Variants in TTC17 observed in about 807,000 individuals in gnomAD.
TTC17 encodes the protein tetratricopeptide repeat protein 17.
In TTC17, 58 loss-of-function variants were observed where a neutral mutation model predicts 143.8. That is an observed-to-expected ratio of 0.40 (90% CI 0.33 to 0.50). The LOEUF is 0.50. Among genes scored for constraint, TTC17 ranks in the 20% least tolerant of loss-of-function variants. The pLI is 0.49. For missense variants in TTC17, 1,273 were observed against 1,392.5 expected (o/e 0.91, Z 1.37); for synonymous variants, 501 against 497.8 (o/e 1.01, Z -0.09).
At chr11:43,420,156 A>G (rs990326988) in intron 16 of TTC17, among the ~76,000 whole-genome samples, 3 of 152,208 alleles carry the variant, frequency 2.0e-5, no homozygotes, top group Non-Finnish European at 1.5e-5. Context: ...CCTACAAGCA[A>G]AGATTGTGAT....
At chr11:43,395,969 C>A (rs974271932) in intron 5 of TTC17, among the ~76,000 whole-genome samples, 11 of 151,894 alleles carry the variant, frequency 7.2e-5, no homozygotes, top group African/African-American at 2.2e-4. Context: ...ATGTAATATA[C>A]ATTAATATGT....
In TTC17 at chr11:43,416,867, T is replaced by G. The variant is rs187872255; in HGVS notation, c.2251+2091T>G. Among the ~76,000 whole-genome samples the G allele has an allele frequency of 4.3e-3, 649 of 152,296 alleles. 12 individuals are homozygous for G. The highest frequency in any genetic ancestry group is 8.8e-4 in the Non-Finnish European group (60 of 68,000). On this transcript the variant is annotated intron_variant, in intron 16 of 23. Transcript: ENST00000039989. Reference sequence around the variant, plus strand: ...CTTGTTTTAAAAATTCTACTGCATCTTCTCAGAATGCTGTGATCTTTCAAA... The same window carrying G: ...CTTGTTTTAAAAATTCTACTGCATCGTCTCAGAATGCTGTGATCTTTCAAA...
At chr11:43,463,348 C>A (rs1947908253) in intron 21 of TTC17, among the ~76,000 whole-genome samples, 1 of 151,852 alleles carries the variant, frequency 6.6e-6, no homozygotes, top group Non-Finnish European at 1.5e-5. Context: ...TGGATATTGA[C>A]CAATACAGAT....
intron 13 of TTC17, 89 bp downstream of exon 13, chr11:43,406,040 A>G (rs1858114922): frequency 4.3e-6 from 6 of 1,401,776 alleles, no homozygotes; most frequent in Non-Finnish European, 4.8e-6. Context: ...GATAGAAGGT[A>G]GCTGTTGAGC....
intron 21 of TTC17, among the ~76,000 whole-genome samples, chr11:43,463,229 T>C (rs1947905663): frequency 6.6e-6 from 1 of 152,106 alleles, no homozygotes. Context: ...TTCATTCTTT[T>C]ACATGCACAA....
intron 2 of TTC17, among the ~76,000 whole-genome samples, chr11:43,380,199 C>T (rs1045140610): frequency 6.6e-6 from 1 of 152,146 alleles, no homozygotes; most frequent in Non-Finnish European, 1.5e-5. Flanking sequence ...TATGGCAGAA[C>T]CAGAAACAAA....
At chr11:43,424,910 AGTCATTTAACAAG>A (rs925275786) in intron 16 of TTC17, among the ~76,000 whole-genome samples, 3 of 152,306 alleles carry the variant, frequency 2.0e-5, no homozygotes, top group African/African-American at 7.2e-5. Flanking sequence ...AGTTCCCCCT[AGTCATTTAACAAG>A]GTATTTTTAA....
At chr11:43,439,466 T>C (rs1947365524) in intron 16 of TTC17, among the ~76,000 whole-genome samples, 1 of 151,620 alleles carries the variant, frequency 6.6e-6, no homozygotes, top group African/African-American at 2.4e-5. Context: ...CTTGTTTTTT[T>C]TTGGTTTTTT....
At chr11:43,460,950 C>T (rs992189225) in intron 21 of TTC17, among the ~76,000 whole-genome samples, 41 of 152,304 alleles carry the variant, frequency 2.7e-4, no homozygotes, top group Non-Finnish European at 4.6e-4. Flanking sequence ...AAGCAAGTCC[C>T]GGGGCCTGCT....
intron 21 of TTC17, among the ~76,000 whole-genome samples, chr11:43,458,008 T>C (rs1328350811): frequency 2.6e-5 from 4 of 152,056 alleles, no homozygotes; most frequent in Non-Finnish European, 5.9e-5. Context: ...CTAGGAAAAT[T>C]AAAAGCTTAA....
intron 21 of TTC17, among the ~76,000 whole-genome samples, chr11:43,482,596 C>G (rs1948307690): frequency 6.6e-6 from 1 of 151,942 alleles, no homozygotes; most frequent in Non-Finnish European, 1.5e-5. Context: ...GTTTTATGGG[C>G]CAGAATGTGG....
At chr11:43,444,365 A>G in intron 18 of TTC17, 156 bp downstream of exon 18, 1 of 636,908 alleles carries the variant, frequency 1.6e-6, no homozygotes, top group Non-Finnish European at 2.4e-6. Context: ...TCAATGAAAA[A>G]AATGTTCAAA....
chr11:43,372,596 T>A (rs545318870), intron 1 of TTC17, among the ~76,000 whole-genome samples: 2 of 152,196 alleles, frequency 1.3e-5, no homozygotes, highest in South Asian at 4.2e-4. Context: ...ATTCAAGCGA[T>A]TCTCCTGCCT....
intron 1 of TTC17, among the ~76,000 whole-genome samples, chr11:43,366,692 G>C (rs375377006): frequency 1.3e-5 from 2 of 152,040 alleles, no homozygotes; most frequent in Non-Finnish European, 2.9e-5. Flanking sequence ...TCTTTCTATT[G>C]ACAAGGTTTT....
intron 1 of TTC17, among the ~76,000 whole-genome samples, chr11:43,376,604 G>T (rs898345421): frequency 2.6e-5 from 4 of 151,980 alleles, no homozygotes; most frequent in African/African-American, 9.7e-5. Context: ...TTTTGCTTCT[G>T]GACTTACAGC....
chr11:43,370,346 G>A (rs762728725), intron 1 of TTC17: 28 of 208,510 alleles, frequency 1.3e-4, no homozygotes, highest in Non-Finnish European at 2.4e-4. Context: ...GATTGTTTGA[G>A]CTAGATTTGT....
At chr11:43,438,651 G>A (rs1184153773) in intron 16 of TTC17, among the ~76,000 whole-genome samples, 3 of 152,110 alleles carry the variant, frequency 2.0e-5, no homozygotes, top group Non-Finnish European at 4.4e-5. Context: ...AGATGTTGTC[G>A]GTCAGATTTT....
intron 15 of TTC17, among the ~76,000 whole-genome samples, chr11:43,408,995 A>G (rs780237871): frequency 1.2e-4 from 18 of 152,128 alleles, no homozygotes; most frequent in Non-Finnish European, 2.6e-4. Flanking sequence ...CTCCCATCTC[A>G]GCCTCCAAAA....
intron 16 of TTC17, among the ~76,000 whole-genome samples, chr11:43,432,718 T>G (rs1033509694): frequency 6.6e-6 from 1 of 152,192 alleles, no homozygotes; most frequent in African/African-American, 2.4e-5. Flanking sequence ...TTTCCTGTGT[T>G]TCTTTCATGA....
Sources: allele counts gnomAD v4.1 joint callset (sites outside exome capture counted in the v4.1 genomes callset), GRCh38; gene constraint gnomAD v4.1.1; transcripts MANE v1.5; gene names NCBI Gene and HGNC (gene_info 2026-07-23, HGNC 2026-07-21).